ARHGEF3: variants seen among roughly 807,000 people sequenced by gnomAD.
The protein encoded by ARHGEF3 is Rho guanine nucleotide exchange factor 3.
Under a neutral mutation model 63.2 loss-of-function variants are expected in ARHGEF3, and 28 were observed. That is an observed-to-expected ratio of 0.44 (90% CI 0.33 to 0.61). ARHGEF3 has a LOEUF of 0.61. ARHGEF3 is among the 20% of genes least tolerant of loss of function. ARHGEF3 has a pLI of 0.03. For synonymous variants in ARHGEF3, 266 were observed against 254.2 expected, an observed-to-expected ratio of 1.05 and a Z score of -0.44; for missense variants, 533 against 659.3, an observed-to-expected ratio of 0.81 and a Z score of 2.10.
chr3:56,854,433 A>G (rs2039797675), intron 4 of ARHGEF3, among the ~76,000 whole-genome samples: 1 of 152,190 alleles, frequency 6.6e-6, no homozygotes, highest in Non-Finnish European at 1.5e-5. Flanking sequence ...TGAAGGAAAC[A>G]GGGAGAAGCA....
chr3:56,922,643 C>T (rs868666908), intron 3 of ARHGEF3, among the ~76,000 whole-genome samples: 33 of 152,228 alleles, frequency 2.2e-4, no homozygotes, highest in South Asian at 4.2e-4. Flanking sequence ...AAGTTTCTCA[C>T]CATTATTTTG....
intron 3 of ARHGEF3, among the ~76,000 whole-genome samples, chr3:56,889,128 A>G (rs1046202685): frequency 1.3e-5 from 2 of 151,806 alleles, no homozygotes; most frequent in Non-Finnish European, 2.9e-5. Flanking sequence ...TTTCACAAAC[A>G]TTATTGTTTC....
intron 2 of ARHGEF3, among the ~76,000 whole-genome samples, chr3:57,022,134 C>A (rs1480820139): frequency 4.6e-5 from 7 of 152,032 alleles, no homozygotes; most frequent in Non-Finnish European, 1.5e-5. Flanking sequence ...TTTAGCCGGG[C>A]ACGGTGGCAT....
At chr3:57,049,795 G>A (rs1022226008) in intron 1 of ARHGEF3, among the ~76,000 whole-genome samples, 13 of 152,204 alleles carry the variant, frequency 8.5e-5, no homozygotes, top group African/African-American at 3.1e-4. Context: ...GCACAAGAAG[G>A]GAAAGATGTG....
At chr3:56,932,783 C>A (rs544804079) in intron 3 of ARHGEF3, among the ~76,000 whole-genome samples, 23 of 152,276 alleles carry the variant, frequency 1.5e-4, no homozygotes, top group Admixed American at 1.3e-3. Context: ...TCCTACAGTA[C>A]CCTCACCAGC....
chr3:56,909,380 A>G (rs1044427786), intron 3 of ARHGEF3, among the ~76,000 whole-genome samples: 6 of 152,214 alleles, frequency 3.9e-5, no homozygotes, highest in Non-Finnish European at 8.8e-5. Context: ...ATATACACAT[A>G]AGGGATTTGA....
intron 1 of ARHGEF3, among the ~76,000 whole-genome samples, chr3:57,045,032 C>T (rs775984970): frequency 2.6e-5 from 4 of 152,076 alleles, no homozygotes; most frequent in East Asian, 1.9e-4. Flanking sequence ...TCTGGGAAGC[C>T]GAGGCAGATG....
chr3:57,049,406 T>A (rs1704584215), intron 1 of ARHGEF3, among the ~76,000 whole-genome samples: 1 of 151,612 alleles, frequency 6.6e-6, no homozygotes, highest in African/African-American at 2.4e-5. Flanking sequence ...ATAATAAAAT[T>A]AAAATCCCTC....
chr3:56,876,153 A>G (rs1431307294), intron 4 of ARHGEF3, among the ~76,000 whole-genome samples: 2 of 152,182 alleles, frequency 1.3e-5, no homozygotes, highest in African/African-American at 4.8e-5. Flanking sequence ...AGTTGGAGAA[A>G]TTGAAAGAAA....
At chr3:56,828,589 T>C (rs1053341816) in intron 4 of ARHGEF3, among the ~76,000 whole-genome samples, 1 of 152,130 alleles carries the variant, frequency 6.6e-6, no homozygotes, top group African/African-American at 2.4e-5. Flanking sequence ...CATTATACTA[T>C]ATCAACCTGT....
intron 8 of ARHGEF3, among the ~76,000 whole-genome samples, chr3:56,734,658 A>C (rs1418021244): frequency 6.6e-6 from 1 of 152,212 alleles, no homozygotes; most frequent in African/African-American, 2.4e-5. Flanking sequence ...CAATATTATT[A>C]GATCATTTTA....
chr3:56,898,571 C>T (rs1468590978), intron 3 of ARHGEF3: 3 of 259,282 alleles, frequency 1.2e-5, no homozygotes, highest in Non-Finnish European at 2.6e-5. Context: ...TTGGAGTTCC[C>T]CTAAAGCAGA....
chr3:56,909,481 A>G (rs1279732521), intron 3 of ARHGEF3, among the ~76,000 whole-genome samples: 1 of 152,200 alleles, frequency 6.6e-6, no homozygotes, highest in African/African-American at 2.4e-5. Context: ...CCATGCCTCC[A>G]TCAACTCTCC....
At chr3:56,766,921 T>A (rs946412061) in intron 2 of ARHGEF3, among the ~76,000 whole-genome samples, 3 of 152,216 alleles carry the variant, frequency 2.0e-5, no homozygotes, top group Admixed American at 2.0e-4. Context: ...CTGTTATCTA[T>A]AATGATGAAA....
chr3:57,002,483 A>ATATATATATATGTTATATATATATATGT lies in ARHGEF3; in HGVS notation c.62+32604_62+32605insACATATATATATATAACATATATATATA, dbSNP rs1553802498. Among the ~76,000 whole-genome samples, 269 of 40,680 alleles carry ATATATATATATGTTATATATATATATGT rather than the reference A, an allele frequency of 6.6e-3. 20 individuals are homozygous for ATATATATATATGTTATATATATATATGT. Among genetic ancestry groups the ATATATATATATGTTATATATATATATGT allele is most frequent in the African/African-American group, 0.03 (262 of 8,738 alleles). The allele number at this position is 40,680 out of a possible 152,430, so 26.7% of individuals were successfully genotyped here. ...AGCACTATATATATATATATGTTAT[A>ATATATATATATGTTATATATATATATGT]TATATATATATATGTTATATATATA... is the stretch of plus-strand genomic sequence containing the variant. On this transcript the variant is annotated intron_variant, in intron 2 of 12. Transcript: ENST00000338458.
At chr3:56,966,781 G>C (rs1700511727) in intron 2 of ARHGEF3, among the ~76,000 whole-genome samples, 1 of 151,974 alleles carries the variant, frequency 6.6e-6, no homozygotes, top group Non-Finnish European at 1.5e-5. Flanking sequence ...CTGAAGGCAA[G>C]GGAGTCATAG....
At chr3:56,829,329 G>C (rs934611220) in intron 4 of ARHGEF3, among the ~76,000 whole-genome samples, 1 of 152,114 alleles carries the variant, frequency 6.6e-6, no homozygotes, top group Non-Finnish European at 1.5e-5. Context: ...CTGAGCTCCC[G>C]GTGAGTGTAC....
At chr3:57,069,376 AAC>A (rs147675971) in intron 1 of ARHGEF3, among the ~76,000 whole-genome samples, 32,426 of 146,268 alleles carry the variant, frequency 0.22, 3,516 homozygotes, top group Middle Eastern at 0.24. Context: ...CTGTCTCTCA[AAC>A]ACACACACAC....
At chr3:56,921,847 C>T (rs2042151000) in intron 3 of ARHGEF3, among the ~76,000 whole-genome samples, 1 of 152,176 alleles carries the variant, frequency 6.6e-6, no homozygotes, top group African/African-American at 2.4e-5. Flanking sequence ...ATAGAAAAGT[C>T]TTCATCTATG....
Sources: gnomAD v4.1 joint callset for allele counts (sites outside exome capture counted in the v4.1 genomes callset) on GRCh38, gnomAD v4.1.1 for gene constraint, MANE v1.5 for transcripts, NCBI Gene and HGNC (gene_info 2026-07-23, HGNC 2026-07-21) for gene names.